HCN1: variants seen among roughly 807,000 people sequenced by gnomAD.
HCN1 encodes the protein hyperpolarization activated cyclic nucleotide gated potassium channel 1.
HCN1 carries 13 observed loss-of-function variants against 78.9 expected under a neutral mutation model. The ratio of observed to expected loss-of-function variants is 0.16; its 90% CI spans 0.11 to 0.26. HCN1 has a LOEUF of 0.26. HCN1 is among the 10% of genes least tolerant of loss of function. HCN1 has a pLI of 1.00. For missense variants in HCN1, 810 were observed against 1,154.3 expected (o/e 0.70, Z 4.32); for synonymous variants, 552 against 455.5 (o/e 1.21, Z -2.70).
At chr5:45,286,565 A>G (rs953420486) in intron 6 of HCN1, among the ~76,000 whole-genome samples, 6 of 152,028 alleles carry the variant, frequency 3.9e-5, no homozygotes, top group African/African-American at 1.4e-4. Context: ...TTTAGTCTTC[A>G]TCTTTCTCAC....
chr5:45,645,861 C>A (rs1561230701), intron 1 of HCN1, among the ~76,000 whole-genome samples: 3 of 151,602 alleles, frequency 2.0e-5, no homozygotes, highest in Admixed American at 6.6e-5. Flanking sequence ...CAAATAAAAT[C>A]AAAAACATTC....
chr5:45,387,192 C>G (rs1162926675), intron 4 of HCN1, among the ~76,000 whole-genome samples: 1 of 151,886 alleles, frequency 6.6e-6, no homozygotes, highest in African/African-American at 2.4e-5. Context: ...TTTAAGTTCA[C>G]AGTATCAATA....
intron 2 of HCN1, chr5:45,558,550 T>C (rs1480548880): frequency 6.6e-6 from 1 of 152,128 alleles, no homozygotes; most frequent in African/African-American, 2.4e-5. Flanking sequence ...TGAACTTTGA[T>C]AGGTAGAGAG....
intron 1 of HCN1, among the ~76,000 whole-genome samples, chr5:45,657,138 A>C (rs1232936768): frequency 6.6e-6 from 1 of 152,160 alleles, no homozygotes; most frequent in Non-Finnish European, 1.5e-5. Context: ...TGGAATATTA[A>C]AGAATTAAAG....
chr5:45,283,201 C>T (rs1745203567), intron 6 of HCN1, among the ~76,000 whole-genome samples: 1 of 152,054 alleles, frequency 6.6e-6, no homozygotes, highest in Non-Finnish European at 1.5e-5. Context: ...GGGAAACCAA[C>T]CTATGAAATA....
chr5:45,318,412 C>T (rs895971228), intron 5 of HCN1, among the ~76,000 whole-genome samples: 9 of 151,668 alleles, frequency 5.9e-5, no homozygotes, highest in African/African-American at 1.7e-4. Context: ...CAGGGCCTGT[C>T]GTGGGGTGGG....
At chr5:45,486,609 A>C (rs1043171934) in intron 2 of HCN1, among the ~76,000 whole-genome samples, 1 of 152,146 alleles carries the variant, frequency 6.6e-6, no homozygotes, top group Admixed American at 6.6e-5. Context: ...AGAAGTTTCA[A>C]AATAAATTTT....
chr5:45,473,294 C>T (rs948912193), intron 2 of HCN1, among the ~76,000 whole-genome samples: 6 of 151,870 alleles, frequency 4.0e-5, no homozygotes, highest in African/African-American at 1.5e-4. Context: ...AACTATGTTT[C>T]CTATACTGTC....
intron 2 of HCN1, among the ~76,000 whole-genome samples, chr5:45,593,141 C>T (rs1330446395): frequency 2.0e-5 from 3 of 152,108 alleles, no homozygotes; most frequent in African/African-American, 7.2e-5. Flanking sequence ...ATATTCTGTA[C>T]ATACCTTTTC....
intron 1 of HCN1, among the ~76,000 whole-genome samples, chr5:45,654,199 G>T (rs968463863): frequency 1.3e-5 from 2 of 151,938 alleles, no homozygotes; most frequent in Non-Finnish European, 2.9e-5. Context: ...TTATATTTCT[G>T]TAAGTCTATA....
chr5:45,570,414 T>C (rs1010665285), intron 2 of HCN1, among the ~76,000 whole-genome samples: 2 of 152,136 alleles, frequency 1.3e-5, no homozygotes, highest in East Asian at 1.9e-4. Context: ...GGCCAATTGA[T>C]TATTAACAGT....
intron 3 of HCN1, among the ~76,000 whole-genome samples, chr5:45,431,103 GT>G (rs2112077137): frequency 6.6e-6 from 1 of 152,218 alleles, no homozygotes; most frequent in Admixed American, 6.5e-5. Flanking sequence ...ACCAGCATCT[GT>G]TATTTTTTGG....
At position 45,472,387 on chromosome 5, in the gene HCN1, G is replaced by A. The variant is rs535932702; in HGVS notation, c.850-10380C>T. ...TGCATTGCTATAATTACAGGTTTAT[G>A]TGTCTGTGTTCTTACTAGATAGTGA... On this transcript the variant is annotated intron_variant, in intron 2 of 7. Transcript: ENST00000303230. Among the ~76,000 whole-genome samples, 4 of 151,930 alleles carry A rather than the reference G, an allele frequency of 2.6e-5. No homozygotes were observed. In the South Asian group the frequency reaches 8.3e-4, roughly 31 times the overall value.
chr5:45,379,084 G>A (rs573540056), intron 4 of HCN1, among the ~76,000 whole-genome samples: 36 of 152,162 alleles, frequency 2.4e-4, no homozygotes, highest in African/African-American at 4.6e-4. Flanking sequence ...ATAAACATGC[G>A]TGTGCATGTG....
At chr5:45,351,440 C>T (rs1297034563) in intron 5 of HCN1, among the ~76,000 whole-genome samples, 1 of 112,886 alleles carries the variant, frequency 8.9e-6, no homozygotes, top group Non-Finnish European at 1.6e-5. Flanking sequence ...AAAACCTAGA[C>T]ATTACCATTC....
At chr5:45,446,449 T>C (rs1163858666) in intron 3 of HCN1, among the ~76,000 whole-genome samples, 2 of 152,168 alleles carry the variant, frequency 1.3e-5, no homozygotes, top group Non-Finnish European at 2.9e-5. Context: ...TGGAACCAAG[T>C]TGGAAAACAC....
intron 2 of HCN1, among the ~76,000 whole-genome samples, chr5:45,522,366 C>G (rs1202571775): frequency 6.6e-6 from 1 of 151,980 alleles, no homozygotes; most frequent in Non-Finnish European, 1.5e-5. Context: ...AAACTAGTGT[C>G]AGATTTACTG....
chr5:45,372,060 TTATATTATATATTATATATAATATA>T (rs1747388872), intron 4 of HCN1, among the ~76,000 whole-genome samples: 2 of 58,214 alleles, frequency 3.4e-5, no homozygotes, highest in African/African-American at 1.8e-4. Flanking sequence ...TATAATATAA[TTATATTATATATTATATATAATATA>T]ATTATATATA....
intron 2 of HCN1, among the ~76,000 whole-genome samples, chr5:45,597,818 C>T (rs11742172): frequency 0.47 from 71,193 of 151,802 alleles, 18,822 homozygotes; most frequent in Middle Eastern, 0.58. Context: ...TTCACAACTG[C>T]TACAAAGAGA....
Sources: allele counts gnomAD v4.1 joint callset (sites outside exome capture counted in the v4.1 genomes callset), GRCh38; gene constraint gnomAD v4.1.1; transcripts MANE v1.5; gene names NCBI Gene and HGNC (gene_info 2026-07-23, HGNC 2026-07-21).